Variants in TAFA1 observed in about 807,000 individuals in gnomAD.
TAFA1 encodes the protein chemokine-like protein TAFA-1.
A neutral mutation model predicts 18.5 loss-of-function variants in TAFA1; 4 were observed. The ratio of observed to expected loss-of-function variants is 0.22; its 90% confidence interval spans 0.11 to 0.49. The LOEUF (loss-of-function observed/expected upper bound fraction) is 0.49, where lower values mean the gene tolerates loss of function less well. Among genes scored for constraint, TAFA1 ranks in the 20% least tolerant of loss-of-function variants. TAFA1 has a pLI of 0.98. For synonymous variants in TAFA1, 56 were observed against 55.2 expected, an observed-to-expected ratio of 1.01 and a Z score of -0.06; for missense variants, 147 against 169.0, an observed-to-expected ratio of 0.87 and a Z score of 0.72.
intron 2 of TAFA1, among the ~76,000 whole-genome samples, chr3:68,375,436 C>T (rs2069790637): frequency 6.6e-6 from 1 of 152,274 alleles, no homozygotes; most frequent in Non-Finnish European, 1.5e-5. Flanking sequence ...GGCATACTTA[C>T]TCCACACAAG....
At chr3:68,147,039 G>GTGTGTATA (rs780205455) in intron 2 of TAFA1, among the ~76,000 whole-genome samples, 5 of 148,308 alleles carry the variant, frequency 3.4e-5, no homozygotes, top group African/African-American at 1.3e-4. Flanking sequence ...GTGTGTGTGT[G>GTGTGTATA]TATATATATA....
intron 2 of TAFA1, among the ~76,000 whole-genome samples, chr3:68,294,165 T>G (rs2068164508): frequency 6.6e-6 from 1 of 152,238 alleles, no homozygotes; most frequent in African/African-American, 2.4e-5. Flanking sequence ...TTTAATTTTC[T>G]ATGCACAATT....
chr3:68,087,619 C>G (rs2064986730), intron 2 of TAFA1, among the ~76,000 whole-genome samples: 1 of 147,792 alleles, frequency 6.8e-6, no homozygotes, highest in Admixed American at 6.9e-5. Context: ...CCTTCCCTCT[C>G]TCCCTCCCAC....
chr3:68,524,545 A>G (rs1402990624), intron 3 of TAFA1, among the ~76,000 whole-genome samples: 2 of 152,226 alleles, frequency 1.3e-5, no homozygotes, highest in Non-Finnish European at 2.9e-5. Context: ...AATTGGCATT[A>G]TTAAACCACT....
At chr3:68,433,450 C>T (rs1048787764) in intron 3 of TAFA1, among the ~76,000 whole-genome samples, 1 of 152,078 alleles carries the variant, frequency 6.6e-6, no homozygotes, top group East Asian at 1.9e-4. Context: ...TTGTTGGCTA[C>T]TGTACATCTT....
intron 2 of TAFA1, among the ~76,000 whole-genome samples, chr3:68,410,949 A>G (rs2070704517): frequency 6.6e-6 from 1 of 152,204 alleles, no homozygotes; most frequent in African/African-American, 2.4e-5. Context: ...GGTAAACCTT[A>G]AAATACAAAT....
chr3:68,534,900 C>G (rs1360554742), intron 3 of TAFA1, among the ~76,000 whole-genome samples: 2 of 151,756 alleles, frequency 1.3e-5, no homozygotes, highest in Non-Finnish European at 1.5e-5. Context: ...AAAAAAAATG[C>G]AAAAAGCTGA....
chr3:68,418,026 G>A (rs919054299), intron 3 of TAFA1, among the ~76,000 whole-genome samples: 7 of 152,066 alleles, frequency 4.6e-5, no homozygotes, highest in African/African-American at 1.4e-4. Flanking sequence ...CCAACACTGG[G>A]GGTTACAATT....
chr3:68,063,905 AG>A (rs2064638982), intron 2 of TAFA1, among the ~76,000 whole-genome samples: 1 of 152,224 alleles, frequency 6.6e-6, no homozygotes, highest in Non-Finnish European at 1.5e-5. Context: ...GTAAATAAAA[AG>A]ATTACCCACT....
At chr3:68,352,729 T>C (rs1264119390) in intron 2 of TAFA1, among the ~76,000 whole-genome samples, 1 of 152,058 alleles carries the variant, frequency 6.6e-6, no homozygotes, top group African/African-American at 2.4e-5. Context: ...CACAGTGGGA[T>C]GGCAGAAGAA....
At chr3:68,127,875 G>C (rs1280142376) in intron 2 of TAFA1, among the ~76,000 whole-genome samples, 3 of 149,342 alleles carry the variant, frequency 2.0e-5, no homozygotes, top group African/African-American at 7.5e-5. Flanking sequence ...TGATGATTAT[G>C]GTGGTGGTGA....
At chr3:68,386,099 C>G (rs1442716709) in intron 2 of TAFA1, among the ~76,000 whole-genome samples, 3 of 152,110 alleles carry the variant, frequency 2.0e-5, no homozygotes, top group Non-Finnish European at 4.4e-5. Context: ...CACAGAAAAA[C>G]TTTGCTGACT....
chr3:68,028,327 A>G (rs889048763), intron 2 of TAFA1, among the ~76,000 whole-genome samples: 1 of 151,446 alleles, frequency 6.6e-6, no homozygotes, highest in Non-Finnish European at 1.5e-5. Flanking sequence ...AAACAAAACA[A>G]AAAAGTATAT....
At chr3:68,029,067 C>A (rs1409408659) in intron 2 of TAFA1, among the ~76,000 whole-genome samples, 2 of 151,936 alleles carry the variant, frequency 1.3e-5, no homozygotes, top group East Asian at 3.8e-4. Flanking sequence ...TCACTCTTAA[C>A]AGAAAACTTG....
intron 2 of TAFA1, among the ~76,000 whole-genome samples, chr3:68,267,058 C>G (rs936176869): frequency 6.6e-6 from 1 of 152,128 alleles, no homozygotes; most frequent in Non-Finnish European, 1.5e-5. Context: ...ATCCTCCTCC[C>G]TAGGGAACGC....
chr3:68,037,312 A>AGGAAAGG (rs1198046182), intron 2 of TAFA1, among the ~76,000 whole-genome samples: 2 of 152,168 alleles, frequency 1.3e-5, no homozygotes, highest in African/African-American at 4.8e-5. Flanking sequence ...GACGCCAAAG[A>AGGAAAGG]GGAAAGGACC....
intron 2 of TAFA1, among the ~76,000 whole-genome samples, chr3:68,244,265 A>G (rs1259262303): frequency 1.3e-5 from 2 of 152,054 alleles, no homozygotes; most frequent in East Asian, 3.9e-4. Flanking sequence ...TCTAATTTTG[A>G]TGAGGTCCAA....
At position 68,267,655 on chromosome 3, in the gene TAFA1, C is replaced by T. The variant is rs567136608; in HGVS notation, c.119-149625C>T. On this transcript the variant is annotated intron_variant, in intron 2 of 4. Coordinates refer to ENST00000478136, the MANE Select transcript of TAFA1 (RefSeq NM_213609.4). ...GTCTTGAAAGTTTTGTTCTATCTTG[C>T]ACAGGTTATTTGAAGGATTCTTTTT... 1.8e-3 allele frequency among the ~76,000 whole-genome samples: 270 copies of T among 151,904 alleles called. 1 individual carries two copies. Among genetic ancestry groups the T allele is most frequent in the Non-Finnish European group, 2.2e-3 (152 of 67,976 alleles).
chr3:68,064,107 C>T (rs920806625), intron 2 of TAFA1, among the ~76,000 whole-genome samples: 55 of 151,976 alleles, frequency 3.6e-4, no homozygotes, highest in African/African-American at 1.2e-3. Flanking sequence ...TATGTAAAAG[C>T]AAAATAGGGG....
Sources: gnomAD v4.1 joint callset for allele counts (sites outside exome capture counted in the v4.1 genomes callset) on GRCh38, gnomAD v4.1.1 for gene constraint, MANE v1.5 for transcripts, NCBI Gene and HGNC (gene_info 2026-07-23, HGNC 2026-07-21) for gene names.